TIAM1: variants seen among roughly 807,000 people sequenced by gnomAD.
The protein encoded by TIAM1 is TIAM Rac1 associated GEF 1.
TIAM1 carries 65 observed loss-of-function variants against 163.5 expected under a neutral mutation model. The observed-to-expected ratio is 0.40, with a 90% confidence interval of 0.33 to 0.49. The LOEUF is 0.49. Among genes scored for constraint, TIAM1 ranks in the 20% least tolerant of loss-of-function variants. TIAM1 has a pLI of 0.77. For missense variants in TIAM1, 1,789 were observed against 2,044.7 expected, an observed-to-expected ratio of 0.87 and a Z score of 2.41; for synonymous variants, 833 against 810.1, an observed-to-expected ratio of 1.03 and a Z score of -0.48.
At chr21:31,184,582 A>G (rs1192194569) in intron 14 of TIAM1, among the ~76,000 whole-genome samples, 1 of 152,188 alleles carries the variant, frequency 6.6e-6, no homozygotes, top group Non-Finnish European at 1.5e-5. Context: ...CAGGGCTCTC[A>G]GATTCAAAGA....
chr21:31,536,635 T>C (rs1250520707), intron 1 of TIAM1, among the ~76,000 whole-genome samples: 1 of 152,232 alleles, frequency 6.6e-6, no homozygotes, highest in Non-Finnish European at 1.5e-5. Flanking sequence ...TCTGCTGACG[T>C]GTGTCCCCCA....
At chr21:31,487,433 C>T (rs1602398320) in intron 1 of TIAM1, among the ~76,000 whole-genome samples, 1 of 152,002 alleles carries the variant, frequency 6.6e-6, no homozygotes, top group Non-Finnish European at 1.5e-5. Context: ...TGCAGTGGTG[C>T]GATCTCGGCT....
At chr21:31,232,013 C>G (rs1280733955) in intron 6 of TIAM1, among the ~76,000 whole-genome samples, 2 of 139,148 alleles carry the variant, frequency 1.4e-5, no homozygotes, top group African/African-American at 5.2e-5. Context: ...CTCCATCTCA[C>G]AAAAAAAAAA....
chr21:31,263,116 G>T (rs1199746466), intron 4 of TIAM1, among the ~76,000 whole-genome samples: 1 of 152,008 alleles, frequency 6.6e-6, no homozygotes, highest in Non-Finnish European at 1.5e-5. Flanking sequence ...ATAATTCCGG[G>T]GTTTGTTTCA....
intron 1 of TIAM1, among the ~76,000 whole-genome samples, chr21:31,550,952 T>C (rs2048664460): frequency 1.3e-5 from 2 of 152,216 alleles, no homozygotes; most frequent in Non-Finnish European, 2.9e-5. Flanking sequence ...GGCTCACGCC[T>C]GTAATCCCAG....
chr21:31,226,217 C>T (rs970122650), intron 6 of TIAM1, among the ~76,000 whole-genome samples: 1 of 152,208 alleles, frequency 6.6e-6, no homozygotes, highest in African/African-American at 2.4e-5. Context: ...ACTTACTGAA[C>T]TCACTTGTGA....
At chr21:31,511,213 T>C (rs2047200245) in intron 1 of TIAM1, among the ~76,000 whole-genome samples, 1 of 152,196 alleles carries the variant, frequency 6.6e-6, no homozygotes, top group Admixed American at 6.5e-5. Context: ...TGGCACTTTG[T>C]TAGGGCAACC....
chr21:31,386,847 T>C (rs2076880580), intron 2 of TIAM1, among the ~76,000 whole-genome samples: 1 of 152,194 alleles, frequency 6.6e-6, no homozygotes, highest in South Asian at 2.1e-4. Flanking sequence ...AACTACAGGA[T>C]ACAGGGGCAC....
chr21:31,330,840 G>A (rs955528282), intron 2 of TIAM1, among the ~76,000 whole-genome samples: 3 of 152,024 alleles, frequency 2.0e-5, no homozygotes, highest in African/African-American at 7.2e-5. Context: ...ACACTTTTGA[G>A]AAGTTAAATT....
intron 16 of TIAM1, among the ~76,000 whole-genome samples, chr21:31,157,675 C>T (rs139098281): frequency 7.2e-5 from 11 of 152,014 alleles, no homozygotes; most frequent in African/African-American, 7.2e-5. Flanking sequence ...ATCCCATGTG[C>T]GCGTTTTTGG....
chr21:31,252,268 G>A lies in TIAM1; in HGVS notation c.964-79C>T. 3 of 1,477,694 alleles carry A rather than the reference G, an allele frequency of 2.0e-6. No homozygotes were observed. In the East Asian group the frequency reaches 6.8e-5, roughly 33 times the overall value. The allele number at this position is 1,477,694 out of a possible 1,614,324, so 91.5% of individuals were successfully genotyped here. On this transcript the variant is annotated intron_variant, in intron 4 of 27. Transcript: ENST00000541036. ...CCAGGGTCACGTGGAGAAGAGCCCT[G>A]GGTCCAGCCAGGGCTCTGTAGCAGC... is the stretch of plus-strand genomic sequence containing the variant.
At chr21:31,215,189 G>C (rs1270570588) in intron 9 of TIAM1, among the ~76,000 whole-genome samples, 1 of 152,024 alleles carries the variant, frequency 6.6e-6, no homozygotes, top group Admixed American at 6.6e-5. Flanking sequence ...CATGAACAAA[G>C]GGTTTTGTTA....
intron 1 of TIAM1, among the ~76,000 whole-genome samples, chr21:31,519,526 A>G (rs2047506964): frequency 6.6e-6 from 1 of 151,254 alleles, no homozygotes; most frequent in South Asian, 2.1e-4. Flanking sequence ...AAAAAAAAAA[A>G]AAAAATTAAA....
intron 6 of TIAM1, among the ~76,000 whole-genome samples, chr21:31,231,347 A>C (rs193122482): frequency 6.6e-6 from 1 of 152,168 alleles, no homozygotes; most frequent in South Asian, 2.1e-4. Flanking sequence ...TGCCTCAAAC[A>C]TAACGGAGTC....
At chr21:31,549,921 C>T (rs937496343) in intron 1 of TIAM1, among the ~76,000 whole-genome samples, 1 of 152,174 alleles carries the variant, frequency 6.6e-6, no homozygotes, top group South Asian at 2.1e-4. Flanking sequence ...GTCAGGAGTT[C>T]GAGACCAGCC....
chr21:31,520,312 CA>C (rs2047537904), intron 1 of TIAM1, among the ~76,000 whole-genome samples: 1 of 140,560 alleles, frequency 7.1e-6, no homozygotes, highest in Non-Finnish European at 1.5e-5. Flanking sequence ...GCCTGGGCAA[CA>C]AGAGCTAAAC....
chr21:31,303,880 A>G (rs2074595057), intron 2 of TIAM1, among the ~76,000 whole-genome samples: 1 of 152,194 alleles, frequency 6.6e-6, no homozygotes, highest in Admixed American at 6.5e-5. Context: ...CAGGAGGCTG[A>G]GGCAGGAGAA....
chr21:31,491,920 G>T (rs1201976478), intron 1 of TIAM1, among the ~76,000 whole-genome samples: 3 of 152,166 alleles, frequency 2.0e-5, no homozygotes, highest in South Asian at 4.1e-4. Context: ...TTAGGAAACA[G>T]ACATAAACAA....
intron 15 of TIAM1, among the ~76,000 whole-genome samples, chr21:31,169,367 T>C (rs1418298893): frequency 1.3e-5 from 2 of 152,058 alleles, no homozygotes; most frequent in African/African-American, 4.8e-5. Flanking sequence ...GGTAAATTAA[T>C]AGAATTTTTA....
Sources: gnomAD v4.1 joint callset for allele counts (sites outside exome capture counted in the v4.1 genomes callset) on GRCh38, gnomAD v4.1.1 for gene constraint, MANE v1.5 for transcripts, NCBI Gene and HGNC (gene_info 2026-07-23, HGNC 2026-07-21) for gene names.